PDIA5: variants seen among roughly 807,000 people sequenced by gnomAD.
PDIA5 encodes protein disulfide isomerase family A member 5, also known as protein disulfide-isomerase A5.
Under a neutral mutation model 77.6 loss-of-function variants are expected in PDIA5, and 58 were observed. The observed-to-expected ratio is 0.75, with a 90% CI of 0.61 to 0.93. The LOEUF is 0.93. Ranked by LOEUF, PDIA5 falls within the 40% of genes least tolerant of loss-of-function variation. The pLI is 0.00. For synonymous variants in PDIA5, 250 were observed against 252.1 expected (o/e 0.99, Z 0.08); for missense variants, 630 against 647.7 (o/e 0.97, Z 0.30).
In PDIA5 at chr3:123,088,869, A is replaced by G. The variant is rs973549616; in HGVS notation, c.43-299A>G. Among the ~76,000 whole-genome samples the G allele has an allele frequency of 2.6e-5, 4 of 152,232 alleles. No individual in the cohort carries two copies. In the Middle Eastern group the frequency reaches 0.014, roughly 518 times the overall value. ...TATCCCGTTATTTTTTATGTTTTTC[A>G]AATGTTTTCCATCCATGGTTGGTCA... On this transcript the variant is annotated intron_variant, in intron 1 of 16. Transcript: ENST00000316218.
chr3:123,067,044 C>A lies in PDIA5; in HGVS notation c.-121C>A. ...TTTGGCAGACGTGGCACCGGGAACT[C>A]GGAGGCGGGGAGCGGCTGGGAAGTG... On this transcript the variant is annotated 5_prime_UTR_variant, in exon 1 of 17. Transcript: ENST00000316218. 1 of 838,620 alleles carries A rather than the reference C, an allele frequency of 1.2e-6. No homozygotes were observed. The highest frequency in any genetic ancestry group is 1.6e-6 in the Non-Finnish European group (1 of 628,126). The allele number at this position is 838,620 out of a possible 1,614,324, so 51.9% of individuals were successfully genotyped here.
chr3:123,146,305 GC>G, intron 13 of PDIA5, 46 bp downstream of exon 13: 1 of 1,545,170 alleles, frequency 6.5e-7, no homozygotes. Flanking sequence ...CCAGCTGGCG[GC>G]CCCTGGAGAC....
chr3:123,102,321 C>T (rs1934622112), intron 3 of PDIA5, 90 bp from the exon 4 acceptor site: 13 of 941,650 alleles, frequency 1.4e-5, no homozygotes, highest in Non-Finnish European at 2.3e-5. Context: ...AGTTACCTGA[C>T]TTATTTCTTA....
chr3:123,085,985 G>A (rs967178254), intron 1 of PDIA5, among the ~76,000 whole-genome samples: 2 of 152,164 alleles, frequency 1.3e-5, no homozygotes, highest in Non-Finnish European at 2.9e-5. Context: ...TTTTTGGTGA[G>A]CTCTTAAGGT....
chr3:123,159,073 A>AC (rs1226376402), intron 15 of PDIA5, among the ~76,000 whole-genome samples: 2 of 152,230 alleles, frequency 1.3e-5, no homozygotes, highest in Non-Finnish European at 2.9e-5. Context: ...GATTTATAAA[A>AC]CCATACACTA....
intron 14 of PDIA5, among the ~76,000 whole-genome samples, chr3:123,152,722 C>T (rs1935940493): frequency 6.6e-6 from 1 of 152,182 alleles, no homozygotes. Flanking sequence ...ATCTCTCCAC[C>T]TCCCACATCC....
Position 123,102,755 on chromosome 3 carries a change from G to C in PDIA5, c.346G>C (p.Gly116Arg). 6.2e-7 allele frequency: 1 copy of C among 1,608,738 alleles called. No homozygotes were observed. Among genetic ancestry groups the C allele is most frequent in the Non-Finnish European group, 8.5e-7 (1 of 1,175,028 alleles). The change falls in exon 5 of 17, where the codon GGT becomes CGT. Residue 116 changes from glycine to arginine, a missense_variant. Gly to Arg is a moderately radical substitution (Grantham distance 125). Coordinates refer to ENST00000316218, the MANE Select transcript of PDIA5 (RefSeq NM_006810.4). ...ATTTTTCTCCTCATTTGACAGGGATGGTGCATTTCATACTGAATATAACCG... is the reference window on the plus strand; with the variant it reads ...ATTTTTCTCCTCATTTGACAGGGATCGTGCATTTCATACTGAATATAACCG... ...KKVELFHYQDGAFHTEYNRAV... is the reference protein window; with the variant it reads ...KKVELFHYQDRAFHTEYNRAV...
chr3:123,072,912 C>CTGTGTG lies in PDIA5; in HGVS notation c.42+5732_42+5737dup, dbSNP rs66567660. 1.0e-3 allele frequency among the ~76,000 whole-genome samples: 150 copies of CTGTGTG among 146,926 alleles called. 1 individual carries two copies. Among genetic ancestry groups the CTGTGTG allele is most frequent in the South Asian group, 7.4e-3 (34 of 4,568 alleles). On this transcript the variant is annotated intron_variant, in intron 1 of 16. Coordinates refer to ENST00000316218, the MANE Select transcript of PDIA5 (RefSeq NM_006810.4). ...GTTTATTTGCCCCCTACCTCTCCTT[C>CTGTGTG]TGTGTGTGTGTGTGTGTGTGTGTGT... is the stretch of plus-strand genomic sequence containing the variant.
At chr3:123,131,134 G>A (rs913811184) in intron 11 of PDIA5, among the ~76,000 whole-genome samples, 1 of 152,204 alleles carries the variant, frequency 6.6e-6, no homozygotes, top group Non-Finnish European at 1.5e-5. Context: ...AGCTGGGCAT[G>A]TGGTGCACAC....
At chr3:123,143,409 G>T (rs1935687869) in intron 11 of PDIA5, among the ~76,000 whole-genome samples, 1 of 147,944 alleles carries the variant, frequency 6.8e-6, no homozygotes, top group Admixed American at 6.7e-5. Flanking sequence ...AAAAAAGAGA[G>T]GCACTGTCTG....
chr3:123,093,960 G>C (rs3792360), intron 3 of PDIA5, among the ~76,000 whole-genome samples: 23 of 152,224 alleles, frequency 1.5e-4, no homozygotes, highest in Non-Finnish European at 2.9e-4. Context: ...GTCCCTGAGC[G>C]GCCTGGAAAA....
At chr3:123,159,293 C>A (rs912864656) in intron 15 of PDIA5, among the ~76,000 whole-genome samples, 1 of 152,204 alleles carries the variant, frequency 6.6e-6, no homozygotes, top group Non-Finnish European at 1.5e-5. Context: ...CCCCATAGCA[C>A]CTGCCCTGAG....
In PDIA5 at chr3:123,068,740, G is replaced by A. The variant is rs150696088; in HGVS notation, c.42+1534G>A. On this transcript the variant is annotated intron_variant, in intron 1 of 16. Transcript: ENST00000316218. ...CCCTCCACTGGGTTAGATTTTGGGC[G>A]GAGAGCAAAACACACATTGTACCTG... is the stretch of plus-strand genomic sequence containing the variant. Among the ~76,000 whole-genome samples the A allele has an allele frequency of 5.0e-3, 758 of 152,330 alleles. 12 individuals carry two copies. The highest frequency in any genetic ancestry group is 6.9e-3 in the Non-Finnish European group (468 of 68,034).
In PDIA5 at chr3:123,103,382, AG is replaced by A. The variant is rs1286396684; in HGVS notation, c.387+589del. Among the ~76,000 whole-genome samples the A allele has an allele frequency of 5.9e-5, 9 of 152,324 alleles. No individual in the cohort carries two copies. The South Asian group carries it at 6.2e-4, about 11-fold the overall frequency. ...TCCTGAACTGCAACTCTCCTCCTTC[AG>A]GGTCAGGATTCCCTTCCTCCAGCCT... On this transcript the variant is annotated intron_variant, in intron 5 of 16. Transcript: ENST00000316218.
At chr3:123,117,627 T>G (rs836844) in intron 8 of PDIA5, among the ~76,000 whole-genome samples, 113,294 of 151,444 alleles carry the variant, frequency 0.75, 42,764 homozygotes, top group Non-Finnish European at 0.8. Context: ...TATCCTCAAG[T>G]TTCATCCATG....
chr3:123,110,900 C>G (rs1378808070), intron 6 of PDIA5, 44 bp from the exon 7 acceptor site: 1 of 1,505,144 alleles, frequency 6.6e-7, no homozygotes, highest in Non-Finnish European at 9.3e-7. Flanking sequence ...CATCCTGTTA[C>G]TGTGTTGTGT....
intron 14 of PDIA5, among the ~76,000 whole-genome samples, chr3:123,153,603 G>C (rs1260778144): frequency 6.6e-6 from 1 of 151,968 alleles, no homozygotes; most frequent in Non-Finnish European, 1.5e-5. Context: ...ACCCATCACT[G>C]GCCCAGGTCT....
intron 11 of PDIA5, among the ~76,000 whole-genome samples, chr3:123,134,364 G>C (rs886137944): frequency 6.6e-6 from 1 of 152,098 alleles, no homozygotes; most frequent in East Asian, 1.9e-4. Context: ...GCCACCCCAG[G>C]GGGGTGCTCT....
intron 1 of PDIA5, among the ~76,000 whole-genome samples, chr3:123,074,218 G>C (rs1445196949): frequency 2.0e-5 from 3 of 152,148 alleles, no homozygotes; most frequent in South Asian, 2.1e-4. Context: ...TAAGGCATTG[G>C]GGATAACCAT....
Sources: allele counts gnomAD v4.1 joint callset (sites outside exome capture counted in the v4.1 genomes callset), GRCh38; gene constraint gnomAD v4.1.1; transcripts MANE v1.5; gene names NCBI Gene and HGNC (gene_info 2026-07-23, HGNC 2026-07-21).